Variants in GRM8 observed in about 807,000 individuals in gnomAD.
GRM8 encodes the protein metabotropic glutamate receptor 8.
In GRM8, 47 loss-of-function variants were observed where a neutral mutation model predicts 87.2. The ratio of observed to expected loss-of-function variants is 0.54; its 90% CI spans 0.43 to 0.69. GRM8 has a LOEUF of 0.69. Ranked by LOEUF, GRM8 falls within the 30% of genes least tolerant of loss-of-function variation. The pLI is 0.00. For synonymous variants in GRM8, 396 were observed against 404.5 expected, an observed-to-expected ratio of 0.98 and a Z score of 0.25; for missense variants, 1,019 against 1,139.2, an observed-to-expected ratio of 0.89 and a Z score of 1.52.
At chr7:127,063,252 A>AAAAC (rs3039782) in intron 3 of GRM8, among the ~76,000 whole-genome samples, 93,560 of 149,836 alleles carry the variant, frequency 0.62, 29,820 homozygotes, top group African/African-American at 0.7. Flanking sequence ...GACTCCATCA[A>AAAAC]AAACAAACAA....
At chr7:127,159,993 A>G (rs1358604429) in intron 2 of GRM8, among the ~76,000 whole-genome samples, 1 of 152,192 alleles carries the variant, frequency 6.6e-6, no homozygotes, top group African/African-American at 2.4e-5. Flanking sequence ...AAGAATAAAT[A>G]CTGTAATGGA....
At chr7:126,648,674 C>A (rs976585704) in intron 7 of GRM8, among the ~76,000 whole-genome samples, 1 of 152,204 alleles carries the variant, frequency 6.6e-6, no homozygotes, top group African/African-American at 2.4e-5. Flanking sequence ...TCAGGGATGA[C>A]ATTTGCTGAT....
intron 3 of GRM8, among the ~76,000 whole-genome samples, chr7:126,921,443 C>T (rs1804523409): frequency 6.6e-6 from 1 of 151,944 alleles, no homozygotes; most frequent in South Asian, 2.1e-4. Flanking sequence ...AAGAATATTT[C>T]TCAGAACTGA....
intron 2 of GRM8, among the ~76,000 whole-genome samples, chr7:127,136,804 T>C (rs962135351): frequency 7.9e-5 from 12 of 151,852 alleles, no homozygotes; most frequent in Non-Finnish European, 2.9e-5. Flanking sequence ...CTTCTTTTTC[T>C]GAGAGGAATG....
intron 2 of GRM8, among the ~76,000 whole-genome samples, chr7:127,227,812 T>C (rs1201757707): frequency 6.6e-6 from 1 of 152,226 alleles, no homozygotes; most frequent in African/African-American, 2.4e-5. Context: ...CTGGAAGCCA[T>C]GTGATCATTC....
rs949779959 is a variant in GRM8, at chr7:126,859,232, A to G, written c.1156+43310T>C. 4.6e-5 allele frequency among the ~76,000 whole-genome samples: 7 copies of G among 152,182 alleles called. 1 individual carries two copies. Among genetic ancestry groups the G allele is most frequent in the Middle Eastern group, 6.8e-3 (2 of 294 alleles). ...GTACCTGGCACAGCTTGTGGCACAC[A>G]GTAGGTTTTTCATTGAAATTTATTA... On this transcript the variant is annotated intron_variant, in intron 6 of 10. Transcript: ENST00000339582.
rs1018202988 is a variant in GRM8, at chr7:127,170,318, A to G, written c.511-63606T>C. ...CCAACTTACTCCTGCAAGAATCGCC[A>G]TACTCAAAAAATGAAAAAATAATAG... On this transcript the variant is annotated intron_variant, in intron 2 of 10. Coordinates refer to ENST00000339582, the MANE Select transcript of GRM8 (RefSeq NM_000845.3). Among the ~76,000 whole-genome samples the G allele has an allele frequency of 2.0e-5, 3 of 152,356 alleles. No individual in the cohort carries two copies. The East Asian group carries it at 5.8e-4, about 29-fold the overall frequency.
At chr7:127,035,493 G>A (rs771076099) in intron 3 of GRM8, among the ~76,000 whole-genome samples, 18 of 152,178 alleles carry the variant, frequency 1.2e-4, no homozygotes, top group African/African-American at 4.3e-4. Flanking sequence ...CACTTGGAGC[G>A]CCCAGCCACA....
At chr7:126,703,662 C>T (rs550860748) in intron 7 of GRM8, among the ~76,000 whole-genome samples, 41 of 152,230 alleles carry the variant, frequency 2.7e-4, no homozygotes, top group South Asian at 1.2e-3. Context: ...TGGCCTTGAG[C>T]GACCCTCTTG....
intron 8 of GRM8, among the ~76,000 whole-genome samples, chr7:126,582,697 T>C (rs1325317792): frequency 6.6e-6 from 1 of 152,152 alleles, no homozygotes; most frequent in African/African-American, 2.4e-5. Context: ...TCGAATCCAA[T>C]GCTCATTGAA....
At chr7:126,587,377 C>T (rs1294789108) in intron 8 of GRM8, among the ~76,000 whole-genome samples, 2 of 152,112 alleles carry the variant, frequency 1.3e-5, no homozygotes, top group Non-Finnish European at 2.9e-5. Flanking sequence ...CACATGCACA[C>T]GTATGTTTAT....
At chr7:126,714,857 A>G (rs1490113220) in intron 7 of GRM8, among the ~76,000 whole-genome samples, 4 of 152,172 alleles carry the variant, frequency 2.6e-5, no homozygotes, top group Non-Finnish European at 5.9e-5. Flanking sequence ...CTCTATTCTT[A>G]CAATAAAGTA....
chr7:126,629,142 C>T (rs1384419395), intron 7 of GRM8, among the ~76,000 whole-genome samples: 1 of 152,062 alleles, frequency 6.6e-6, no homozygotes, highest in Non-Finnish European at 1.5e-5. Context: ...AATATGAATC[C>T]TCCCCGGAGG....
At chr7:126,774,437 C>T (rs1006071782) in intron 6 of GRM8, among the ~76,000 whole-genome samples, 3 of 152,140 alleles carry the variant, frequency 2.0e-5, no homozygotes, top group African/African-American at 7.2e-5. Flanking sequence ...TTTATGTCAG[C>T]TAACCATTTT....
At chr7:126,492,644 T>C (rs1808157777) in intron 9 of GRM8, among the ~76,000 whole-genome samples, 1 of 152,064 alleles carries the variant, frequency 6.6e-6, no homozygotes, top group Non-Finnish European at 1.5e-5. Context: ...TTTAACTAAA[T>C]AGAATTGTTT....
rs189809963 is a variant in GRM8, at chr7:126,569,876, T to C, written c.1495-35989A>G. ...AGTTTTTCACATCTAAACAATATCATTCTTAGACATCATCCTTTTTAAATT... is the reference window on the plus strand; with the variant it reads ...AGTTTTTCACATCTAAACAATATCACTCTTAGACATCATCCTTTTTAAATT... On this transcript the variant is annotated intron_variant, in intron 8 of 10. Coordinates refer to ENST00000339582, the MANE Select transcript of GRM8 (RefSeq NM_000845.3). Among the ~76,000 whole-genome samples, 4 of 152,318 alleles carry C rather than the reference T, an allele frequency of 2.6e-5. No individual in the cohort carries two copies. The East Asian group carries it at 7.7e-4, about 29-fold the overall frequency.
intron 9 of GRM8, among the ~76,000 whole-genome samples, chr7:126,448,132 G>A (rs966255444): frequency 6.6e-6 from 1 of 151,898 alleles, no homozygotes; most frequent in Non-Finnish European, 1.5e-5. Flanking sequence ...TGACTGCAGA[G>A]AGAGGACATA....
chr7:126,718,514 T>C (rs1270995564), intron 7 of GRM8, among the ~76,000 whole-genome samples: 1 of 152,172 alleles, frequency 6.6e-6, no homozygotes, highest in Non-Finnish European at 1.5e-5. Context: ...TGAGTTGTTT[T>C]GCTGCTGTGT....
At chr7:126,583,823 A>C (rs1314372745) in intron 8 of GRM8, among the ~76,000 whole-genome samples, 5 of 152,220 alleles carry the variant, frequency 3.3e-5, no homozygotes. Flanking sequence ...TTGAAATGAC[A>C]ACAAAGGATT....
Sources: allele counts gnomAD v4.1 joint callset (sites outside exome capture counted in the v4.1 genomes callset), GRCh38; gene constraint gnomAD v4.1.1; transcripts MANE v1.5; gene names NCBI Gene and HGNC (gene_info 2026-07-23, HGNC 2026-07-21).